The following THSD7A variants were observed in gnomAD, a reference collection of about 807,000 sequenced individuals.
THSD7A encodes thrombospondin type-1 domain-containing protein 7A.
THSD7A carries 96 observed loss-of-function variants against 231.3 expected under a neutral mutation model. The ratio of observed to expected loss-of-function variants is 0.41; its 90% CI spans 0.35 to 0.49. THSD7A has a LOEUF of 0.49. THSD7A is among the 20% of genes least tolerant of loss of function. The pLI is 0.05. For missense variants in THSD7A, 2,290 were observed against 2,070.2 expected (o/e 1.11, Z -2.06); for synonymous variants, 940 against 743.3 (o/e 1.26, Z -4.30).
At chr7:11,722,389 C>A (rs954422195) in intron 1 of THSD7A, among the ~76,000 whole-genome samples, 1 of 151,766 alleles carries the variant, frequency 6.6e-6, no homozygotes, top group East Asian at 2.0e-4. Context: ...TCCAATTGCT[C>A]CTATGGATAA....
intron 1 of THSD7A, among the ~76,000 whole-genome samples, chr7:11,651,759 A>C (rs887442332): frequency 6.6e-6 from 1 of 151,948 alleles, no homozygotes; most frequent in African/African-American, 2.4e-5. Flanking sequence ...GTTTTATTAA[A>C]CACTGAAAAA....
intron 2 of THSD7A, among the ~76,000 whole-genome samples, chr7:11,603,942 T>A (rs1427017188): frequency 6.7e-6 from 1 of 150,026 alleles, no homozygotes; most frequent in East Asian, 2.0e-4. Context: ...GACGAGTTAG[T>A]GGGTGCAGTG....
At chr7:11,463,791 G>C (rs1785595023) in intron 9 of THSD7A, among the ~76,000 whole-genome samples, 1 of 152,128 alleles carries the variant, frequency 6.6e-6, no homozygotes, top group African/African-American at 2.4e-5. Context: ...AATTTATCTA[G>C]GGAAGATCTA....
chr7:11,820,463 G>T (rs1346634773), intron 1 of THSD7A: 7 of 1,215,700 alleles, frequency 5.8e-6, no homozygotes, highest in South Asian at 1.7e-5. Flanking sequence ...AACCGGCCCT[G>T]ACCCGGAGGT....
At chr7:11,765,314 A>G (rs1385195714) in intron 1 of THSD7A, among the ~76,000 whole-genome samples, 2 of 152,214 alleles carry the variant, frequency 1.3e-5, no homozygotes, top group Non-Finnish European at 2.9e-5. Context: ...TCATAGAATT[A>G]TGAATATGCT....
intron 1 of THSD7A, among the ~76,000 whole-genome samples, chr7:11,709,155 G>C (rs1323528585): frequency 2.0e-5 from 3 of 150,702 alleles, no homozygotes; most frequent in African/African-American, 4.9e-5. Context: ...TTTCTTAACA[G>C]TTTTTTCTGA....
intron 4 of THSD7A, among the ~76,000 whole-genome samples, chr7:11,551,029 C>G (rs1198577036): frequency 6.6e-6 from 1 of 152,004 alleles, no homozygotes; most frequent in East Asian, 1.9e-4. Flanking sequence ...TTAGTGATTC[C>G]AGAAACAAAG....
rs1297716834 is a variant in THSD7A at position 11,377,221 on chromosome 7, AAAC to A, written c.4802-567_4802-565del. On this transcript the variant is annotated intron_variant, in intron 26 of 27. Coordinates refer to ENST00000423059, the MANE Select transcript of THSD7A (RefSeq NM_015204.3). This position sits in a 1 kb window ranked among gnomAD's most constrained non-coding sequence, Gnocchi z 4.5. ...AATTGGCTGACAATGTCATTTTCAA[AAAC>A]AACTGGTTTGGTTAACATATAAAAG... 2 of 152,070 alleles carry A rather than the reference AAAC, an allele frequency of 1.3e-5. No individual in the cohort carries two copies. Among genetic ancestry groups the A allele is most frequent in the African/African-American group, 4.8e-5 (2 of 41,444 alleles). The allele number at this position is 152,070 out of a possible 1,614,324, so 9.4% of individuals were successfully genotyped here.
chr7:11,661,488 A>C (rs996677161), intron 1 of THSD7A, among the ~76,000 whole-genome samples: 2 of 151,240 alleles, frequency 1.3e-5, no homozygotes, highest in African/African-American at 4.8e-5. Context: ...ATTGATTTTA[A>C]AAATAGAAAA....
At chr7:11,673,850 A>T (rs1279895655) in intron 1 of THSD7A, among the ~76,000 whole-genome samples, 2 of 152,046 alleles carry the variant, frequency 1.3e-5, no homozygotes, top group South Asian at 2.1e-4. Context: ...CAGGGTGGAT[A>T]TTGGAAAGAG....
At chr7:11,514,589 C>T (rs1403639401) in intron 6 of THSD7A, among the ~76,000 whole-genome samples, 1 of 151,990 alleles carries the variant, frequency 6.6e-6, no homozygotes, top group African/African-American at 2.4e-5. Context: ...TATATATTTT[C>T]TATTTATTTA....
intron 9 of THSD7A, among the ~76,000 whole-genome samples, chr7:11,467,256 G>A (rs1785747132): frequency 6.6e-6 from 1 of 152,016 alleles, no homozygotes; most frequent in Non-Finnish European, 1.5e-5. Flanking sequence ...TTTTCAGTAT[G>A]ATTTTTCTTA....
At position 11,371,727 on chromosome 7, in the gene THSD7A, T is replaced by C. The variant is rs1194899448; in HGVS notation, c.*4067A>G. ...TCTAAAGCAAGTGTAGGCATGGACA[T>C]TTTTACAGAAAAGGGCTTTTTTTTT... On this transcript the variant is annotated 3_prime_UTR_variant, in exon 28 of 28. Coordinates refer to ENST00000423059, the MANE Select transcript of THSD7A (RefSeq NM_015204.3). The C allele has an allele frequency of 6.7e-6, 1 of 149,702 alleles. No individual in the cohort carries two copies. Among genetic ancestry groups the C allele is most frequent in the Non-Finnish European group, 1.5e-5 (1 of 67,654 alleles). The allele number at this position is 149,702 out of a possible 1,614,324, so 9.3% of individuals were successfully genotyped here.
intron 1 of THSD7A, among the ~76,000 whole-genome samples, chr7:11,696,902 T>C (rs941422744): frequency 4.6e-5 from 7 of 151,418 alleles, no homozygotes; most frequent in Non-Finnish European, 7.4e-5. Context: ...TAACTGATTA[T>C]GGCCATGAGA....
intron 1 of THSD7A, among the ~76,000 whole-genome samples, chr7:11,772,920 A>C (rs1783281571): frequency 6.6e-6 from 1 of 152,212 alleles, no homozygotes; most frequent in African/African-American, 2.4e-5. Context: ...CAGTCAAGAT[A>C]ATTTCAAACG....
At chr7:11,381,010 C>T (rs562057994) in intron 24 of THSD7A, among the ~76,000 whole-genome samples, 48 of 152,024 alleles carry the variant, frequency 3.2e-4, no homozygotes, top group African/African-American at 8.9e-4. Context: ...TATTTGCATC[C>T]ATTATTGAAA....
intron 2 of THSD7A, among the ~76,000 whole-genome samples, chr7:11,635,619 G>C (rs1781808331): frequency 6.6e-6 from 1 of 152,020 alleles, no homozygotes; most frequent in Non-Finnish European, 1.5e-5. Context: ...TTCTCTGGAG[G>C]GAGTTATTCC....
intron 11 of THSD7A, among the ~76,000 whole-genome samples, chr7:11,451,543 C>T (rs1182511752): frequency 6.6e-6 from 1 of 151,968 alleles, no homozygotes; most frequent in East Asian, 1.9e-4. Context: ...AGTCCCTCTA[C>T]TTTTGTGTAT....
intron 6 of THSD7A, among the ~76,000 whole-genome samples, chr7:11,538,867 T>C (rs980489467): frequency 1.3e-5 from 2 of 152,118 alleles, no homozygotes; most frequent in Non-Finnish European, 2.9e-5. Flanking sequence ...CAGCAGCAAA[T>C]CTTAATGATC....
Sources: allele counts gnomAD v4.1 joint callset (sites outside exome capture counted in the v4.1 genomes callset), GRCh38; gene constraint gnomAD v4.1.1; non-coding constraint Gnocchi (gnomAD v3.1); transcripts MANE v1.5; gene names NCBI Gene and HGNC (gene_info 2026-07-23, HGNC 2026-07-21).